The following KLF13 variants were observed in gnomAD, a reference collection of about 807,000 sequenced individuals.
The protein encoded by KLF13 is Krueppel-like factor 13.
A neutral mutation model predicts 16.7 loss-of-function variants in KLF13; 8 were observed. That is an observed-to-expected ratio of 0.48 (90% CI 0.28 to 0.87). The LOEUF (loss-of-function observed/expected upper bound fraction) is 0.87, where lower values mean the gene tolerates loss of function less well. Among genes scored for constraint, KLF13 ranks in the 40% least tolerant of loss-of-function variants. The pLI is 0.10. For synonymous variants in KLF13, 245 were observed against 208.4 expected (o/e 1.18, Z -1.51); for missense variants, 447 against 452.2 (o/e 0.99, Z 0.10).
chr15:31,396,800 C>T (rs2039956924), intron 2 of KLF13, among the ~76,000 whole-genome samples: 1 of 152,184 alleles, frequency 6.6e-6, no homozygotes, highest in African/African-American at 2.4e-5. Context: ...ATTTATTAGT[C>T]CTAGCTACAA....
chr15:31,335,079 A>G (rs1332114640), intron 1 of KLF13, among the ~76,000 whole-genome samples: 2 of 152,244 alleles, frequency 1.3e-5, no homozygotes, highest in African/African-American at 4.8e-5. Context: ...AGAAACACAT[A>G]TGGGTGTGTG....
intron 1 of KLF13, among the ~76,000 whole-genome samples, chr15:31,370,346 T>C (rs1190544975): frequency 6.6e-6 from 1 of 152,146 alleles, no homozygotes; most frequent in African/African-American, 2.4e-5. Context: ...ATATTTGCTT[T>C]GAGTATATTT....
chr15:31,377,061 C>T lies in KLF13; in HGVS notation c.*4762C>T, dbSNP rs1440852617. ...CTCAGGGTCCTGTTTTCCCTGGCCT[C>T]TTCTAGAGGGCCCGTGGACAGGTCG... On this transcript the variant is annotated 3_prime_UTR_variant, in exon 2 of 2. Coordinates refer to ENST00000307145, the MANE Select transcript of KLF13 (RefSeq NM_015995.4). The T allele has an allele frequency of 6.6e-6, 1 of 152,188 alleles. No homozygotes were observed. The highest frequency in any genetic ancestry group is 1.5e-5 in the Non-Finnish European group (1 of 68,080). The allele number at this position is 152,188 out of a possible 1,614,324, so 9.4% of individuals were successfully genotyped here. A position where few individuals can be genotyped will look rare whatever the true frequency, so the allele number is the denominator to read the frequency against.
At chr15:31,359,349 A>G (rs1439416308) in intron 1 of KLF13, among the ~76,000 whole-genome samples, 4 of 152,212 alleles carry the variant, frequency 2.6e-5, no homozygotes, top group African/African-American at 9.7e-5. Context: ...AACCCTTAGC[A>G]AAAGGAGAGC....
intron 1 of KLF13, among the ~76,000 whole-genome samples, chr15:31,428,820 A>AG (rs563630549): frequency 1.3e-3 from 95 of 72,656 alleles, no homozygotes; most frequent in African/African-American, 4.4e-3. Context: ...AAAAAAAAAA[A>AG]AAAAAGAAAA....
At chr15:31,336,388 G>A (rs1160311308) in intron 1 of KLF13, among the ~76,000 whole-genome samples, 1 of 152,174 alleles carries the variant, frequency 6.6e-6, no homozygotes, top group Non-Finnish European at 1.5e-5. Context: ...GTCCTGGCAT[G>A]TGGGAGGTGG....
chr15:31,372,759 A>T lies in KLF13; in HGVS notation c.*460A>T, dbSNP rs543987522. On this transcript the variant is annotated 3_prime_UTR_variant, in exon 2 of 2. Coordinates refer to ENST00000307145, the MANE Select transcript of KLF13 (RefSeq NM_015995.4). ...TGTGCTCACTGACGTTTGTGCCTCC[A>T]GGGCAGATTCCTAAGCAGCTGGCCT... The T allele has an allele frequency of 6.4e-6, 1 of 156,714 alleles. No individual in the cohort carries two copies. Among genetic ancestry groups the T allele is most frequent in the African/African-American group, 2.4e-5 (1 of 41,746 alleles). 9.7% of individuals were successfully genotyped at this position (156,714 alleles called of 1,614,324 possible).
chr15:31,332,015 T>G (rs932647462), intron 1 of KLF13, among the ~76,000 whole-genome samples: 2 of 152,226 alleles, frequency 1.3e-5, no homozygotes, highest in Non-Finnish European at 2.9e-5. Flanking sequence ...TGTAACTTAT[T>G]TACCCTTCAC....
chr15:31,365,370 C>T (rs117135376), intron 1 of KLF13, among the ~76,000 whole-genome samples: 2,786 of 152,228 alleles, frequency 0.018, 51 homozygotes, highest in Non-Finnish European at 0.028. Context: ...CAGGACCTCC[C>T]GGTAGGAGTT....
chr15:31,366,745 C>CCTGTGCTCACTGTGTGCCCCT (rs1319034953), intron 1 of KLF13, among the ~76,000 whole-genome samples: 1 of 151,862 alleles, frequency 6.6e-6, no homozygotes, highest in Admixed American at 6.6e-5. Context: ...TGTGTGCCCC[C>CCTGTGCTCACTGTGTGCCCCT]CTGTGCTCAC....
chr15:31,361,410 G>A (rs2039382341), intron 1 of KLF13, among the ~76,000 whole-genome samples: 1 of 152,196 alleles, frequency 6.6e-6, no homozygotes, highest in African/African-American at 2.4e-5. Context: ...TGTCTTCCGG[G>A]TTGGTAGAGT....
At chr15:31,386,523 A>C (rs1388186046) in intron 1 of KLF13, among the ~76,000 whole-genome samples, 1 of 152,226 alleles carries the variant, frequency 6.6e-6, no homozygotes, top group Non-Finnish European at 1.5e-5. Flanking sequence ...AGAAAAAAGA[A>C]AGAAGGCATC....
At chr15:31,418,696 G>GC (rs11424812) in intron 1 of KLF13, among the ~76,000 whole-genome samples, 142,373 of 152,250 alleles carry the variant, frequency 0.94, 66,720 homozygotes, top group East Asian at 1. Flanking sequence ...TAATCAGTAA[G>GC]AAAATTTTTT....
intron 1 of KLF13, chr15:31,435,351 G>A (rs1461922258): frequency 6.6e-6 from 1 of 152,198 alleles, no homozygotes; most frequent in African/African-American, 2.4e-5. Context: ...GGCCTCAAGA[G>A]GCTCTCGATC....
chr15:31,411,731 AC>A (rs1212015891), intron 1 of KLF13, among the ~76,000 whole-genome samples: 1 of 152,058 alleles, frequency 6.6e-6, no homozygotes, highest in Non-Finnish European at 1.5e-5. Context: ...AAAAAAGAAA[AC>A]CATATGATTA....
chr15:31,411,214 C>A (rs186837880), intron 1 of KLF13, among the ~76,000 whole-genome samples: 11 of 152,170 alleles, frequency 7.2e-5, no homozygotes, highest in Admixed American at 6.5e-4. Context: ...ATAGATGCAA[C>A]AATCATCAAT....
chr15:31,388,147 A>T (rs1472034029), upstream of KLF13, among the ~76,000 whole-genome samples: 2 of 152,174 alleles, frequency 1.3e-5, no homozygotes, highest in African/African-American at 4.8e-5. Context: ...CTGGGTGGTT[A>T]TTATTCTTCT....
intron 1 of KLF13, among the ~76,000 whole-genome samples, chr15:31,387,450 A>G (rs1034169479): frequency 6.6e-6 from 1 of 151,878 alleles, no homozygotes; most frequent in Non-Finnish European, 1.5e-5. Context: ...CATTATTTTT[A>G]TAGACAGAAT....
At chr15:31,407,813 A>G (rs1249933573), downstream of KLF13, among the ~76,000 whole-genome samples, 1 of 152,228 alleles carries the variant, frequency 6.6e-6, no homozygotes, top group African/African-American at 2.4e-5. Context: ...CTTTCTACAG[A>G]GACCAGTAAA....
Sources: gnomAD v4.1 joint callset for allele counts (sites outside exome capture counted in the v4.1 genomes callset) on GRCh38, gnomAD v4.1.1 for gene constraint, MANE v1.5 for transcripts, NCBI Gene and HGNC (gene_info 2026-07-23, HGNC 2026-07-21) for gene names.